The following TTC28 variants were observed in gnomAD, a reference collection of about 807,000 sequenced individuals.
The protein encoded by TTC28 is tetratricopeptide repeat protein 28.
A neutral mutation model predicts 198.0 loss-of-function variants in TTC28; 61 were observed. The ratio of observed to expected loss-of-function variants is 0.31; its 90% CI spans 0.25 to 0.38. TTC28 has a LOEUF of 0.38. Among genes scored for constraint, TTC28 ranks in the 10% least tolerant of loss-of-function variants. The pLI, the probability that TTC28 is intolerant of heterozygous loss-of-function variation, is 1.00. For missense variants in TTC28, 2,678 were observed against 3,164.0 expected (o/e 0.85, Z 3.69); for synonymous variants, 1,171 against 1,297.8 (o/e 0.90, Z 2.10).
intron 2 of TTC28, among the ~76,000 whole-genome samples, chr22:28,595,581 C>A (rs180827236): frequency 3.9e-5 from 6 of 152,290 alleles, no homozygotes; most frequent in Non-Finnish European, 7.4e-5. Flanking sequence ...CAAGACACAA[C>A]AATGAATCAT....
At chr22:28,562,610 T>C (rs946158856) in intron 2 of TTC28, among the ~76,000 whole-genome samples, 3 of 151,950 alleles carry the variant, frequency 2.0e-5, no homozygotes, top group South Asian at 2.1e-4. Flanking sequence ...CTTGTACTGG[T>C]AGAAGGGAGT....
At chr22:28,050,471 G>C (rs1940044588) in intron 12 of TTC28, among the ~76,000 whole-genome samples, 1 of 152,120 alleles carries the variant, frequency 6.6e-6, no homozygotes, top group Non-Finnish European at 1.5e-5. Context: ...CATTTCCCTT[G>C]TTCACTAAGA....
At position 28,553,355 on chromosome 22, in the gene TTC28, A is replaced by G. The variant is rs528546388; in HGVS notation, c.381+76197T>C. Among the ~76,000 whole-genome samples, 712 of 144,924 alleles carry G rather than the reference A, an allele frequency of 4.9e-3. 7 individuals carry two copies. Among genetic ancestry groups the G allele is most frequent in the Non-Finnish European group, 3.1e-3 (205 of 66,440 alleles). On this transcript the variant is annotated intron_variant, in intron 2 of 22. Transcript: ENST00000397906. ...TAGGAAGTGAGGAGCCCCTCTTCCC[A>G]GCCGACATCCCATCTAGGAAGTGAG...
intron 12 of TTC28, among the ~76,000 whole-genome samples, chr22:28,036,697 A>T (rs1017209248): frequency 1.6e-4 from 24 of 152,196 alleles, no homozygotes; most frequent in Admixed American, 7.9e-4. Flanking sequence ...ATAGAGACAT[A>T]AAAAACCCTT....
intron 14 of TTC28, among the ~76,000 whole-genome samples, chr22:28,009,063 G>A (rs1337118085): frequency 6.6e-6 from 1 of 152,150 alleles, no homozygotes; most frequent in Non-Finnish European, 1.5e-5. Context: ...TTTCTCCTTT[G>A]GGGACTACAC....
intron 2 of TTC28, among the ~76,000 whole-genome samples, chr22:28,421,532 A>G (rs893302970): frequency 2.6e-5 from 4 of 152,210 alleles, no homozygotes; most frequent in African/African-American, 7.2e-5. Context: ...TATTAGTAAT[A>G]ATTATCAATT....
chr22:28,112,057 TTGAGACACTCAATACCTC>T (rs1329280654), intron 6 of TTC28, among the ~76,000 whole-genome samples: 1 of 152,204 alleles, frequency 6.6e-6, no homozygotes, highest in East Asian at 1.9e-4. Context: ...CTGAGTGTCT[TTGAGACACTCAATACCTC>T]TGAGCCTTTG....
Position 28,163,482 on chromosome 22 carries a change from G to C in TTC28, c.1051C>G (p.Leu351Val). Reference sequence around the variant, plus strand: ...TTGCCAAGTTCTCGGGCTTCAGAAAGTTCATCTTTGGATTGCTTGGCAAGA... The same window carrying C: ...TTGCCAAGTTCTCGGGCTTCAGAAACTTCATCTTTGGATTGCTTGGCAAGA... ...VLLAKQSKDE[L>V]SEARELGNMG... The change falls in exon 6 of 23, where the codon CTT (leucine) becomes GTT (valine). Residue 351 changes from leucine to valine, a missense_variant. Around this residue, in one of 8 missense-constraint regions of TTC28, gnomAD observed 775 missense variants for 845.9 expected, o/e 0.92. Coordinates refer to ENST00000397906, the MANE Select transcript of TTC28 (RefSeq NM_001145418.2). 1 of 1,551,766 alleles carries C rather than the reference G, an allele frequency of 6.4e-7. No homozygotes were observed. The highest frequency in any genetic ancestry group is 8.7e-7 in the Non-Finnish European group (1 of 1,147,008).
rs1331277734 is a variant in TTC28, at chr22:28,574,430, G to A, written c.381+55122C>T. Among the ~76,000 whole-genome samples, 3 of 152,054 alleles carry A rather than the reference G, an allele frequency of 2.0e-5. No individual in the cohort carries two copies. In the East Asian group the frequency reaches 5.8e-4, roughly 29 times the overall value. On this transcript the variant is annotated intron_variant, in intron 2 of 22. Transcript: ENST00000397906. ...TTTCTTTATCCATTCATCTGTTGAT[G>A]AACATTTAGGTTGCTTCCAAATCTT...
At chr22:28,669,274 C>A (rs2051838393) in intron 1 of TTC28, among the ~76,000 whole-genome samples, 2 of 140,474 alleles carry the variant, frequency 1.4e-5, no homozygotes, top group Non-Finnish European at 3.1e-5. Context: ...GCACAATGTG[C>A]ACATGTACCC....
At chr22:28,045,900 C>G (rs148420685) in intron 12 of TTC28, among the ~76,000 whole-genome samples, 12 of 152,242 alleles carry the variant, frequency 7.9e-5, no homozygotes, top group African/African-American at 2.9e-4. Context: ...GGAGGCGGAG[C>G]TGGAAGTTGC....
chr22:28,334,696 G>A (rs1056778441), intron 2 of TTC28, among the ~76,000 whole-genome samples: 1 of 152,026 alleles, frequency 6.6e-6, no homozygotes, highest in Non-Finnish European at 1.5e-5. Flanking sequence ...TGTTAATGGG[G>A]TTATTTTTTT....
chr22:28,244,016 ATATT>A (rs1569218194), intron 5 of TTC28, among the ~76,000 whole-genome samples: 1 of 152,210 alleles, frequency 6.6e-6, no homozygotes, highest in Non-Finnish European at 1.5e-5. Flanking sequence ...TAAATTATAC[ATATT>A]TATTTTGCAG....
chr22:28,652,060 G>A (rs1450001400), intron 1 of TTC28, among the ~76,000 whole-genome samples: 2 of 150,146 alleles, frequency 1.3e-5, no homozygotes, highest in Middle Eastern at 3.3e-3. Flanking sequence ...GGCTGGTCTC[G>A]AACTCCTGAC....
chr22:28,237,805 C>G (rs936936483), intron 5 of TTC28, among the ~76,000 whole-genome samples: 1 of 152,154 alleles, frequency 6.6e-6, no homozygotes, highest in African/African-American at 2.4e-5. Context: ...AATCTGCTGG[C>G]AGTAATTTTT....
At chr22:28,444,383 T>TC (rs1218298014) in intron 2 of TTC28, among the ~76,000 whole-genome samples, 1 of 152,136 alleles carries the variant, frequency 6.6e-6, no homozygotes, top group African/African-American at 2.4e-5. Flanking sequence ...ACTAACTATA[T>TC]CAGTATAAGT....
chr22:28,278,722 A>G (rs926446980), intron 5 of TTC28, among the ~76,000 whole-genome samples: 13 of 152,264 alleles, frequency 8.5e-5, no homozygotes, highest in Middle Eastern at 3.2e-3. Flanking sequence ...AAGCACTGCC[A>G]CTATTGCTAA....
intron 5 of TTC28, among the ~76,000 whole-genome samples, chr22:28,248,491 C>T (rs1187077293): frequency 1.3e-5 from 2 of 152,114 alleles, no homozygotes; most frequent in Admixed American, 6.5e-5. Flanking sequence ...GTGAAGATAA[C>T]CAATATGCAC....
chr22:28,590,596 A>G (rs1340043814), intron 2 of TTC28, among the ~76,000 whole-genome samples: 1 of 152,132 alleles, frequency 6.6e-6, no homozygotes, highest in African/African-American at 2.4e-5. Context: ...TCTACAAAAC[A>G]AAACAAACAA....
Sources: gnomAD v4.1 joint callset for allele counts (sites outside exome capture counted in the v4.1 genomes callset) on GRCh38, gnomAD v4.1.1 for gene constraint, gnomAD v4.1.1 regional missense constraint, MANE v1.5 for transcripts, NCBI Gene and HGNC (gene_info 2026-07-23, HGNC 2026-07-21) for gene names.